Variants in CHAF1B observed in about 807,000 individuals in gnomAD.
CHAF1B encodes the protein CAF-1 subunit B.
CHAF1B carries 10 observed loss-of-function variants against 60.7 expected under a neutral mutation model. That is an observed-to-expected ratio of 0.16 (90% CI 0.10 to 0.28). The LOEUF (loss-of-function observed/expected upper bound fraction) is 0.28, where lower values mean the gene tolerates loss of function less well. Ranked by LOEUF, CHAF1B falls within the 10% of genes least tolerant of loss-of-function variation. The probability of loss-of-function intolerance (pLI) is 1.00; values close to 1 mark genes in which losing one functional copy is unlikely to be tolerated. For synonymous variants in CHAF1B, 261 were observed against 266.1 expected (o/e 0.98, Z 0.19); for missense variants, 558 against 708.4 (o/e 0.79, Z 2.41).
intron 5 of CHAF1B, 80 bp downstream of exon 5, chr21:36,394,730 C>CATT: frequency 1.9e-6 from 1 of 538,900 alleles, no homozygotes; most frequent in Non-Finnish European, 3.1e-6. Flanking sequence ...CTTGCTTTAA[C>CATT]TTTTTTTTTT....
intron 10 of CHAF1B, among the ~76,000 whole-genome samples, chr21:36,410,299 C>T (rs1368735277): frequency 6.6e-6 from 1 of 152,136 alleles, no homozygotes; most frequent in Non-Finnish European, 1.5e-5. Context: ...GTTCATTGAA[C>T]TTCGTAGATC....
chr21:36,406,359 C>T (rs2086237926), intron 8 of CHAF1B, among the ~76,000 whole-genome samples: 2 of 152,174 alleles, frequency 1.3e-5, no homozygotes, highest in South Asian at 4.1e-4. Context: ...GATCTTGGCT[C>T]ACTGCAACCT....
At chr21:36,391,715 C>A in intron 4 of CHAF1B, 47 bp downstream of exon 4, 2 of 1,187,346 alleles carry the variant, frequency 1.7e-6, no homozygotes, top group Non-Finnish European at 1.3e-6. Context: ...ACGATGAGTG[C>A]ATTAAATGGA....
chr21:36,414,329 C>T (rs2086301302), intron 12 of CHAF1B, among the ~76,000 whole-genome samples: 1 of 152,218 alleles, frequency 6.6e-6, no homozygotes, highest in South Asian at 2.1e-4. Flanking sequence ...TGCCTCTCAG[C>T]CTCTCCTGCG....
chr21:36,386,056 C>A lies in CHAF1B; in HGVS notation c.-77-4C>A. 2 of 1,556,880 alleles carry A rather than the reference C, an allele frequency of 1.3e-6. No individual in the cohort carries two copies. The highest frequency in any genetic ancestry group is 1.2e-5 in the South Asian group (1 of 86,554). ...GTTAACACTGTTGTTTAATCCATCA[C>A]CAGCATTTTGCAGCTTTCTCCTGTC... On this transcript the variant is annotated splice_polypyrimidine_tract_variant and splice_region_variant and intron_variant, in intron 1 of 13. Coordinates refer to ENST00000314103, the MANE Select transcript of CHAF1B (RefSeq NM_005441.3).
intron 12 of CHAF1B, 128 bp downstream of exon 12, chr21:36,413,443 T>A (rs2086294506): frequency 1.2e-5 from 10 of 867,060 alleles, no homozygotes; most frequent in Non-Finnish European, 1.7e-5. Flanking sequence ...CCAGAGAGAT[T>A]CTTAACTTCA....
intron 4 of CHAF1B, among the ~76,000 whole-genome samples, chr21:36,393,327 A>T (rs538242740): frequency 2.0e-5 from 3 of 152,090 alleles, no homozygotes; most frequent in African/African-American, 7.2e-5. Flanking sequence ...TTTTATTTAT[A>T]TGAAACAGTC....
chr21:36,389,527 C>T (rs961732876), intron 3 of CHAF1B, among the ~76,000 whole-genome samples: 2 of 150,774 alleles, frequency 1.3e-5, no homozygotes, highest in Non-Finnish European at 1.5e-5. Flanking sequence ...ATCGCTGTAA[C>T]CTGGGAGGTG....
At chr21:36,391,134 G>T (rs2086083106) in intron 3 of CHAF1B, among the ~76,000 whole-genome samples, 1 of 152,148 alleles carries the variant, frequency 6.6e-6, no homozygotes, top group South Asian at 2.1e-4. Flanking sequence ...CAGTCATTTT[G>T]CAGTGGCATT....
In CHAF1B at chr21:36,416,617, G is replaced by C; in HGVS notation, c.*251G>C. The C allele has an allele frequency of 2.7e-6, 1 of 366,312 alleles. No individual in the cohort carries two copies. Among genetic ancestry groups the C allele is most frequent in the Non-Finnish European group, 5.0e-6 (1 of 199,858 alleles). 22.7% of individuals were successfully genotyped at this position (366,312 alleles called of 1,614,324 possible). On this transcript the variant is annotated 3_prime_UTR_variant, in exon 14 of 14. Coordinates refer to ENST00000314103, the MANE Select transcript of CHAF1B (RefSeq NM_005441.3). Reference sequence around the variant, plus strand: ...CTCTTTTTGATGAGTTTCTGAAACTGGAGCGGTTCAACGTTATCCAGTGTG... The same window carrying C: ...CTCTTTTTGATGAGTTTCTGAAACTCGAGCGGTTCAACGTTATCCAGTGTG...
At chr21:36,387,377 C>T (rs938439459) in intron 2 of CHAF1B, among the ~76,000 whole-genome samples, 2 of 152,032 alleles carry the variant, frequency 1.3e-5, no homozygotes, top group Admixed American at 6.6e-5. Flanking sequence ...TGTGCCATCA[C>T]ACTTGGCTAA....
rs2086309685 is a variant in CHAF1B at position 36,415,333 on chromosome 21, C to G, written c.1532C>G (p.Pro511Arg). ...NLTPLKTDTP[P>R]SSVPTSVIST... Reference sequence around the variant, plus strand: ...ACACCCTTAAAGACGGACACTCCACCAAGTTCTGTACCAACCAGTGTGATT... The same window carrying G: ...ACACCCTTAAAGACGGACACTCCACGAAGTTCTGTACCAACCAGTGTGATT... Residue 511 changes from proline to arginine, a missense_variant, in exon 13 of 14, where the codon CCA (proline) becomes CGA (arginine). By Grantham distance (103) the Pro-to-Arg change is moderately radical. Transcript: ENST00000314103. 6.2e-7 allele frequency: 1 copy of G among 1,612,854 alleles called. No individual in the cohort carries two copies. The highest frequency in any genetic ancestry group is 8.5e-7 in the Non-Finnish European group (1 of 1,179,116).
intron 8 of CHAF1B, among the ~76,000 whole-genome samples, chr21:36,404,732 CT>C (rs61593376): frequency 0.061 from 3,067 of 50,520 alleles, 160 homozygotes; most frequent in East Asian, 0.23. Context: ...TTGCGCTGGC[CT>C]TTTTTTTTTT....
chr21:36,391,520 C>A, intron 3 of CHAF1B, 31 bp from the exon 4 acceptor site: 2 of 1,306,736 alleles, frequency 1.5e-6, no homozygotes, highest in Non-Finnish European at 2.2e-6. Flanking sequence ...GTGGGTGAAG[C>A]GTGGATCACT....
At chr21:36,403,482 A>G (rs1243069447) in intron 8 of CHAF1B, among the ~76,000 whole-genome samples, 1 of 141,148 alleles carries the variant, frequency 7.1e-6, no homozygotes, top group African/African-American at 2.8e-5. Flanking sequence ...AAAAAAAAAG[A>G]AACTTTACTA....
chr21:36,402,515 A>G (rs936762167), intron 7 of CHAF1B, among the ~76,000 whole-genome samples: 1 of 152,208 alleles, frequency 6.6e-6, no homozygotes, highest in African/African-American at 2.4e-5. Context: ...CCTAACAAAA[A>G]TGTGTGGTCA....
At chr21:36,399,327 C>T (rs532877701) in intron 6 of CHAF1B, among the ~76,000 whole-genome samples, 194 bp from the exon 7 acceptor site, 3 of 152,178 alleles carry the variant, frequency 2.0e-5, no homozygotes, top group Admixed American at 6.6e-5. Flanking sequence ...TGAGCTACCG[C>T]GCCCGGCCTG....
At chr21:36,399,473 C>T (rs752862735) in intron 6 of CHAF1B, 48 bp from the exon 7 acceptor site, 2 of 1,512,224 alleles carry the variant, frequency 1.3e-6, no homozygotes, top group Admixed American at 1.7e-5. Flanking sequence ...CTGTGTGAAG[C>T]ATAATTCATT....
chr21:36,387,483 A>G (rs2086044116), intron 2 of CHAF1B, 115 bp from the exon 3 acceptor site: 1 of 1,359,768 alleles, frequency 7.4e-7, no homozygotes, highest in South Asian at 1.4e-5. Context: ...GGCCTCCTAA[A>G]CTGCTGGGAT....
Sources: gnomAD v4.1 joint callset for allele counts (sites outside exome capture counted in the v4.1 genomes callset) on GRCh38, gnomAD v4.1.1 for gene constraint, MANE v1.5 for transcripts, NCBI Gene and HGNC (gene_info 2026-07-23, HGNC 2026-07-21) for gene names.